Variants in ROBO2 observed in about 807,000 individuals in gnomAD.
The protein encoded by ROBO2 is roundabout homolog 2.
In ROBO2, 53 loss-of-function variants were observed where a neutral mutation model predicts 160.8. The ratio of observed to expected loss-of-function variants is 0.33; its 90% CI spans 0.26 to 0.41. The LOEUF (loss-of-function observed/expected upper bound fraction) is 0.41. Ranked by LOEUF, ROBO2 falls within the 10% of genes least tolerant of loss-of-function variation. ROBO2 has a pLI of 1.00. For synonymous variants in ROBO2, 664 were observed against 611.7 expected (o/e 1.09, Z -1.26); for missense variants, 1,577 against 1,722.4 (o/e 0.92, Z 1.49).
chr3:76,248,373 C>T (rs1285697323), intron 2 of ROBO2, among the ~76,000 whole-genome samples: 1 of 151,504 alleles, frequency 6.6e-6, no homozygotes, highest in Non-Finnish European at 1.5e-5. Flanking sequence ...TCATCATTCT[C>T]AGTAAACTAT....
At chr3:76,786,299 G>T (rs370222553) in intron 2 of ROBO2, among the ~76,000 whole-genome samples, 1 of 150,864 alleles carries the variant, frequency 6.6e-6, no homozygotes, top group East Asian at 2.0e-4. Context: ...GTCCATTATC[G>T]CACCACTATA....
chr3:76,846,344 C>A (rs200363041), intron 2 of ROBO2, among the ~76,000 whole-genome samples: 1 of 152,026 alleles, frequency 6.6e-6, no homozygotes, highest in Non-Finnish European at 1.5e-5. Context: ...TTGCTTGTAG[C>A]GTGTTGCAAT....
At chr3:76,628,274 G>T (rs1052351367) in intron 2 of ROBO2, among the ~76,000 whole-genome samples, 3 of 151,744 alleles carry the variant, frequency 2.0e-5, no homozygotes, top group Non-Finnish European at 4.4e-5. Flanking sequence ...TATTGAGACA[G>T]GATCTCACTC....
chr3:77,577,131 C>A (rs901150610), intron 14 of ROBO2, among the ~76,000 whole-genome samples: 5 of 152,008 alleles, frequency 3.3e-5, no homozygotes, highest in African/African-American at 1.2e-4. Context: ...CTTACAGTAA[C>A]CTTCTGTTTC....
chr3:77,582,449 A>C, intron 16 of ROBO2, among the ~76,000 whole-genome samples: 1 of 152,076 alleles, frequency 6.6e-6, no homozygotes, highest in East Asian at 1.9e-4. Flanking sequence ...TCAGAATGTT[A>C]TTATTAATGT....
At chr3:77,212,013 C>A (rs947215935) in intron 2 of ROBO2, among the ~76,000 whole-genome samples, 5 of 152,232 alleles carry the variant, frequency 3.3e-5, no homozygotes, top group Admixed American at 3.3e-4. Context: ...TAGCGTGATG[C>A]CTCCAGCTTT....
intron 2 of ROBO2, among the ~76,000 whole-genome samples, chr3:76,289,111 A>G (rs906779975): frequency 2.0e-5 from 3 of 152,204 alleles, no homozygotes; most frequent in Admixed American, 1.3e-4. Flanking sequence ...CATTCCCACC[A>G]GTAGCGTATA....
chr3:76,012,037 T>C (rs1314245176), intron 2 of ROBO2, among the ~76,000 whole-genome samples: 1 of 152,214 alleles, frequency 6.6e-6, no homozygotes, highest in East Asian at 1.9e-4. Context: ...CTAATTTAGC[T>C]AATTAGTAGC....
At chr3:76,178,310 A>G (rs963259160) in intron 2 of ROBO2, among the ~76,000 whole-genome samples, 24 of 152,230 alleles carry the variant, frequency 1.6e-4, no homozygotes, top group African/African-American at 4.8e-4. Flanking sequence ...TCATACAGCA[A>G]TGCTATAGGA....
chr3:76,164,203 G>A (rs2072742458), intron 2 of ROBO2, among the ~76,000 whole-genome samples: 1 of 152,152 alleles, frequency 6.6e-6, no homozygotes, highest in Admixed American at 6.5e-5. Flanking sequence ...CAGCAATTCA[G>A]TCACATCTTC....
intron 2 of ROBO2, among the ~76,000 whole-genome samples, chr3:76,234,430 C>A (rs937038698): frequency 6.6e-6 from 1 of 152,116 alleles, no homozygotes; most frequent in Non-Finnish European, 1.5e-5. Context: ...ATAGTAATTG[C>A]AGTTTTTGCC....
chr3:76,785,366 G>A (rs2062906718), intron 2 of ROBO2, among the ~76,000 whole-genome samples: 1 of 151,116 alleles, frequency 6.6e-6, no homozygotes, highest in Non-Finnish European at 1.5e-5. Context: ...AACTCTTATA[G>A]TACTCTCTTG....
intron 2 of ROBO2, among the ~76,000 whole-genome samples, chr3:77,409,103 G>A (rs34873664): frequency 7.0e-4 from 91 of 129,600 alleles, no homozygotes; most frequent in Middle Eastern, 4.3e-3. Context: ...ATATATATAT[G>A]TATATATATA....
chr3:77,134,202 A>G (rs1436306362), intron 2 of ROBO2, among the ~76,000 whole-genome samples: 2 of 152,074 alleles, frequency 1.3e-5, no homozygotes, highest in Non-Finnish European at 2.9e-5. Flanking sequence ...AGAAACATAA[A>G]AACAAGGCTA....
chr3:77,324,763 CAGAG>C (rs1450105791), intron 2 of ROBO2, among the ~76,000 whole-genome samples: 3 of 130,250 alleles, frequency 2.3e-5, no homozygotes, highest in Middle Eastern at 4.6e-3. Flanking sequence ...GCCTAGGCGA[CAGAG>C]AGAGACTCCG....
chr3:77,281,308 C>CCTCT (rs2060221204), intron 2 of ROBO2, among the ~76,000 whole-genome samples: 1 of 149,444 alleles, frequency 6.7e-6, no homozygotes, highest in Admixed American at 6.7e-5. Context: ...ATTTTCAATC[C>CCTCT]TTCTTTCGTT....
chr3:76,980,111 A>G (rs1212426653), intron 2 of ROBO2, among the ~76,000 whole-genome samples: 1 of 152,214 alleles, frequency 6.6e-6, no homozygotes, highest in Non-Finnish European at 1.5e-5. Context: ...GCTTAGTAAA[A>G]TGGCACAGGA....
chr3:76,984,913 A>G (rs1214623686), intron 2 of ROBO2, among the ~76,000 whole-genome samples: 4 of 152,168 alleles, frequency 2.6e-5, no homozygotes, highest in African/African-American at 9.7e-5. Context: ...ATAGGTTGAA[A>G]GTATTTTACA....
intron 2 of ROBO2, among the ~76,000 whole-genome samples, chr3:76,219,774 C>A: frequency 6.6e-6 from 1 of 152,174 alleles, no homozygotes; most frequent in East Asian, 1.9e-4. Context: ...TGTGGCAATT[C>A]CTCAGGGATC....
Sources: allele counts gnomAD v4.1 joint callset (sites outside exome capture counted in the v4.1 genomes callset), GRCh38; gene constraint gnomAD v4.1.1; transcripts MANE v1.5; gene names NCBI Gene and HGNC (gene_info 2026-07-23, HGNC 2026-07-21).